Variants in TRAPPC6B observed in about 807,000 individuals in gnomAD.
TRAPPC6B encodes trafficking protein particle complex subunit 6B, also known as TRAPP complex subunit 6B.
In TRAPPC6B, 27 loss-of-function variants were observed where a neutral mutation model predicts 24.7. The observed-to-expected ratio is 1.09, with a 90% CI of 0.81 to 1.51. The LOEUF is 1.51. TRAPPC6B is among the 40% of genes most tolerant of loss of function. TRAPPC6B has a pLI of 0.00. For synonymous variants in TRAPPC6B, 80 were observed against 66.6 expected (o/e 1.20, Z -0.98); for missense variants, 212 against 190.8 (o/e 1.11, Z -0.66).
intron 1 of TRAPPC6B, among the ~76,000 whole-genome samples, chr14:39,162,317 C>T (rs953907625): frequency 2.7e-5 from 4 of 148,570 alleles, no homozygotes; most frequent in Non-Finnish European, 5.9e-5. Flanking sequence ...CATCACCATG[C>T]CTGGCTATTT....
At chr14:39,155,712 T>A (rs2052969641) in intron 3 of TRAPPC6B, among the ~76,000 whole-genome samples, 1 of 151,966 alleles carries the variant, frequency 6.6e-6, no homozygotes, top group Non-Finnish European at 1.5e-5. Context: ...AATTTTTGTA[T>A]TTTTAGTAGA....
intron 1 of TRAPPC6B, among the ~76,000 whole-genome samples, 196 bp from the exon 2 acceptor site, chr14:39,159,746 T>C (rs1307995894): frequency 6.6e-6 from 1 of 152,202 alleles, no homozygotes; most frequent in East Asian, 1.9e-4. Flanking sequence ...CTTTTTACTT[T>C]TTTTTTGATA....
chr14:39,164,004 G>C (rs1208521943), intron 1 of TRAPPC6B, among the ~76,000 whole-genome samples: 1 of 148,378 alleles, frequency 6.7e-6, no homozygotes, highest in South Asian at 2.1e-4. Flanking sequence ...ACTGTAGTCC[G>C]GTGGAGCCTA....
chr14:39,152,400 A>G (rs1377750361), intron 4 of TRAPPC6B, among the ~76,000 whole-genome samples: 2 of 152,178 alleles, frequency 1.3e-5, no homozygotes, highest in African/African-American at 4.8e-5. Flanking sequence ...ACGTTGAGAA[A>G]CCCTGTCATA....
At chr14:39,152,924 T>C (rs62000578) in intron 4 of TRAPPC6B, among the ~76,000 whole-genome samples, 3,687 of 152,128 alleles carry the variant, frequency 0.024, 62 homozygotes, top group Middle Eastern at 0.082. Flanking sequence ...CCCAGCACTT[T>C]GGGAGGCTGT....
intron 5 of TRAPPC6B, 63 bp downstream of exon 5, chr14:39,151,680 TAAA>T: frequency 2.1e-6 from 2 of 963,154 alleles, no homozygotes; most frequent in Non-Finnish European, 3.0e-6. Context: ...TCAGTTAAAT[TAAA>T]AAAAAAAACA....
Position 39,154,194 on chromosome 14 carries a change from T to G in TRAPPC6B, c.351+17A>C. ...CCTACTATTAACAAAAACCCCAACT[T>G]CTATTCCATTAAATACCTTAGATGC... On this transcript the variant is annotated intron_variant, in intron 4 of 5. Transcript: ENST00000330149. The G allele has an allele frequency of 6.4e-7, 1 of 1,550,440 alleles. No homozygotes were observed.
intron 2 of TRAPPC6B, chr14:39,158,835 ACTAATAAAGTCAT>A (rs2053018763): frequency 6.5e-6 from 1 of 154,618 alleles, no homozygotes; most frequent in Non-Finnish European, 1.4e-5. Context: ...ATTTATTAAC[ACTAATAAAGTCAT>A]AAGCACCAGG....
intron 4 of TRAPPC6B, among the ~76,000 whole-genome samples, chr14:39,153,075 G>A (rs376397120): frequency 9.9e-5 from 15 of 151,896 alleles, no homozygotes; most frequent in South Asian, 4.2e-4. Context: ...GGTGGATCAC[G>A]AGGTCAGGAG....
At chr14:39,157,365 C>A in intron 3 of TRAPPC6B, 1 of 339,028 alleles carries the variant, frequency 2.9e-6, no homozygotes, top group Admixed American at 3.6e-5. Flanking sequence ...CCCACAAGTA[C>A]AGACCAAAGA....
At chr14:39,161,814 G>C (rs1253641394) in intron 1 of TRAPPC6B, among the ~76,000 whole-genome samples, 1 of 152,168 alleles carries the variant, frequency 6.6e-6, no homozygotes, top group Non-Finnish European at 1.5e-5. Context: ...AATCCTGGGT[G>C]ATCTCTCTCA....
chr14:39,158,371 C>T lies in TRAPPC6B; in HGVS notation c.181G>A (p.Glu61Lys). 2 of 1,600,056 alleles carry T rather than the reference C, an allele frequency of 1.2e-6. No homozygotes were observed. The highest frequency in any genetic ancestry group is 1.7e-6 in the Non-Finnish European group (2 of 1,176,216). Reference sequence around the variant, plus strand: ...CAAATGAACTTCATGATATCTAACTCATCCTTGAACCTTGCAGTATCTTTT... The same window carrying T: ...CAAATGAACTTCATGATATCTAACTTATCCTTGAACCTTGCAGTATCTTTT... Reference protein sequence around the residue: ...FTKDTARFKDELDIMKFICKD... With the variant: ...FTKDTARFKDKLDIMKFICKD... Residue 61 changes from glutamate to lysine, a missense_variant, in exon 3 of 6, where the codon GAG becomes AAG. Glu to Lys is a moderately conservative substitution (Grantham distance 56, BLOSUM62 1). Coordinates refer to ENST00000330149, the MANE Select transcript of TRAPPC6B (RefSeq NM_001079537.2).
rs549190579 is a variant in TRAPPC6B, at chr14:39,155,968, T to G, written c.268-1674A>C. ...TATGCCTGGTGAAATTTTTTTCAAG[T>G]TTTTTGTAGAAATAGGTTCTAAGTA... On this transcript the variant is annotated intron_variant, in intron 3 of 5. Transcript: ENST00000330149. Among the ~76,000 whole-genome samples the G allele has an allele frequency of 1.3e-3, 191 of 151,584 alleles. 3 individuals carry two copies. Among genetic ancestry groups the G allele is most frequent in the Non-Finnish European group, 2.0e-3 (135 of 67,990 alleles).
intron 5 of TRAPPC6B, 115 bp from the exon 6 acceptor site, chr14:39,150,496 A>G (rs1322022727): frequency 9.2e-6 from 7 of 760,698 alleles, no homozygotes; most frequent in Non-Finnish European, 1.5e-5. Flanking sequence ...TGCTATGTCA[A>G]AAACTTTTTC....
At position 39,150,310 on chromosome 14, in the gene TRAPPC6B, T is replaced by C; in HGVS notation, c.*40A>G. On this transcript the variant is annotated 3_prime_UTR_variant, in exon 6 of 6. Transcript: ENST00000330149. ...TTGAAATACTTTTACATGAATAATT[T>C]ATCTCTTTACACTGTTGAAGCCTTG... The C allele has an allele frequency of 6.5e-7, 1 of 1,536,260 alleles. No individual in the cohort carries two copies. The highest frequency in any genetic ancestry group is 8.8e-7 in the Non-Finnish European group (1 of 1,134,318).
chr14:39,158,921 T>C (rs1190782113), intron 2 of TRAPPC6B: 1 of 152,378 alleles, frequency 6.6e-6, no homozygotes, highest in Non-Finnish European at 1.5e-5. Context: ...CTCAAATTAG[T>C]CTAACATTAT....
chr14:39,156,276 A>G (rs1356016075), intron 3 of TRAPPC6B, among the ~76,000 whole-genome samples: 2 of 152,236 alleles, frequency 1.3e-5, no homozygotes, highest in Non-Finnish European at 2.9e-5. Flanking sequence ...ATTGAGCCCA[A>G]GAGTTTGAGA....
intron 1 of TRAPPC6B, among the ~76,000 whole-genome samples, chr14:39,163,297 G>T (rs1393159051): frequency 1.3e-5 from 2 of 149,222 alleles, no homozygotes; most frequent in East Asian, 3.9e-4. Flanking sequence ...CTTGAACCCA[G>T]GAGGCAGAGA....
Position 39,159,520 on chromosome 14 carries a change from T to C in TRAPPC6B, c.112A>G (p.Asn38Asp), listed in dbSNP as rs778254913. Residue 38 changes from asparagine (N) to aspartate (D), a missense_variant, in exon 2 of 6, where the codon AAC (asparagine) becomes GAC (aspartate). Asn to Asp is a conservative substitution (Grantham distance 23). Coordinates refer to ENST00000330149, the MANE Select transcript of TRAPPC6B (RefSeq NM_001079537.2). ...ENGRCITKLE[N>D]MGFRVGQGLI... is the part of the protein sequence containing the mutation. Reference sequence around the variant, plus strand: ...CCTTGTCCCACTCGAAACCCCATGTTTTCCAGCTTAGTAATACATCGTCCG... The same window carrying C: ...CCTTGTCCCACTCGAAACCCCATGTCTTCCAGCTTAGTAATACATCGTCCG... The C allele has an allele frequency of 1.9e-6, 3 of 1,605,734 alleles. No individual in the cohort carries two copies. The highest frequency in any genetic ancestry group is 2.6e-6 in the Non-Finnish European group (3 of 1,175,598).
Sources: allele counts gnomAD v4.1 joint callset (sites outside exome capture counted in the v4.1 genomes callset), GRCh38; gene constraint gnomAD v4.1.1; transcripts MANE v1.5; gene names NCBI Gene and HGNC (gene_info 2026-07-23, HGNC 2026-07-21).